Variants in SORL1 observed in about 807,000 individuals in gnomAD.
SORL1 encodes the protein sortilin related receptor 1, also known as sortilin-related receptor.
In SORL1, 127 loss-of-function variants were observed where a neutral mutation model predicts 273.7. That is an observed-to-expected ratio of 0.46 (90% CI 0.40 to 0.54). The LOEUF is 0.54. SORL1 is among the 20% of genes least tolerant of loss of function. SORL1 has a pLI of 0.00. For synonymous variants in SORL1, 1,031 were observed against 1,067.4 expected, an observed-to-expected ratio of 0.97 and a Z score of 0.66; for missense variants, 2,494 against 2,846.1, an observed-to-expected ratio of 0.88 and a Z score of 2.81.
At chr11:121,601,863 A>G (rs1863398091) in intron 32 of SORL1, among the ~76,000 whole-genome samples, 1 of 152,176 alleles carries the variant, frequency 6.6e-6, no homozygotes, top group South Asian at 2.1e-4. Flanking sequence ...TACTTCTGTG[A>G]TGGGGGTTTT....
At chr11:121,601,706 G>A (rs930821777) in intron 32 of SORL1, among the ~76,000 whole-genome samples, 4 of 150,840 alleles carry the variant, frequency 2.7e-5, no homozygotes, top group South Asian at 2.1e-4. Flanking sequence ...GCACACTACC[G>A]CACCCAGCTT....
intron 1 of SORL1, among the ~76,000 whole-genome samples, chr11:121,466,036 A>G (rs1005723981): frequency 6.6e-6 from 1 of 152,060 alleles, no homozygotes; most frequent in East Asian, 1.9e-4. Flanking sequence ...GTTGTTTATG[A>G]TGCAGTTTCT....
chr11:121,551,577 C>A (rs1459193245), intron 16 of SORL1, among the ~76,000 whole-genome samples: 1 of 152,146 alleles, frequency 6.6e-6, no homozygotes, highest in Non-Finnish European at 1.5e-5. Context: ...CTCTTTCCTG[C>A]CCATTACCTC....
intron 21 of SORL1, among the ~76,000 whole-genome samples, chr11:121,566,111 C>G (rs1170746277): frequency 6.6e-6 from 1 of 152,070 alleles, no homozygotes; most frequent in Non-Finnish European, 1.5e-5. Flanking sequence ...CCCTAAGGAG[C>G]AGAAACCCAC....
In SORL1 at chr11:121,513,094, A is replaced by C. The variant is rs1375228342; in HGVS notation, c.1031A>C (p.His344Pro). 2.5e-6 allele frequency: 4 copies of C among 1,610,262 alleles called. No homozygotes were observed. The highest frequency in any genetic ancestry group is 3.4e-6 in the Non-Finnish European group (4 of 1,176,440). The change falls in exon 7 of 48, where the codon CAT becomes CCT. Residue 344 changes from histidine (H) to proline (P), a missense_variant. This residue lies in a region of SORL1 where 710 missense variants were observed against 882.5 expected (regional missense o/e 0.80). Coordinates refer to ENST00000260197, the MANE Select transcript of SORL1 (RefSeq NM_003105.6). ...PMRAAQFVTR[H>P]PINEYYIADA... ...AGAGCAGCCCAGTTTGTCACAAGAC[A>C]TCCTATTAATGTGAGTGGGGTCTGC...
intron 22 of SORL1, among the ~76,000 whole-genome samples, chr11:121,569,820 A>G (rs1357596971): frequency 6.6e-6 from 1 of 152,086 alleles, no homozygotes; most frequent in Non-Finnish European, 1.5e-5. Context: ...CCTTATTCGT[A>G]CACTCCCTCC....
At chr11:121,623,062 T>C (rs548506878) in intron 45 of SORL1, among the ~76,000 whole-genome samples, 1 of 152,372 alleles carries the variant, frequency 6.6e-6, no homozygotes, top group South Asian at 2.1e-4. Context: ...TTCTCATAAC[T>C]CTTGTAACTA....
intron 5 of SORL1, among the ~76,000 whole-genome samples, chr11:121,492,194 C>T (rs113173206): frequency 6.8e-4 from 104 of 152,138 alleles, no homozygotes; most frequent in African/African-American, 2.2e-3. Context: ...AACCCCATCT[C>T]CACTAAAAAC....
rs77297326 is a variant in SORL1 at position 121,600,178 on chromosome 11, G to A, written c.4520-4015G>A. Among the ~76,000 whole-genome samples, 783 of 152,292 alleles carry A rather than the reference G, an allele frequency of 5.1e-3. 4 individuals carry two copies. Among genetic ancestry groups the A allele is most frequent in the African/African-American group, 0.018 (743 of 41,556 alleles). On this transcript the variant is annotated intron_variant, in intron 32 of 47. Transcript: ENST00000260197. ...TATTCATTATTCTCAAGCAAATCAT[G>A]TATTCGTTTCACTTAATTCTCAAAA...
At chr11:121,527,214 A>G (rs1862136696) in intron 11 of SORL1, among the ~76,000 whole-genome samples, 1 of 150,538 alleles carries the variant, frequency 6.6e-6, no homozygotes, top group Non-Finnish European at 1.5e-5. Context: ...TTTTTATCAT[A>G]ATCAGATACT....
At chr11:121,628,573 G>C (rs980136677) in intron 47 of SORL1, among the ~76,000 whole-genome samples, 3 of 152,126 alleles carry the variant, frequency 2.0e-5, no homozygotes, top group Non-Finnish European at 2.9e-5. Context: ...GATGGCCCTC[G>C]GCCCGGGCAT....
chr11:121,560,223 A>G (rs1008588661), intron 21 of SORL1, among the ~76,000 whole-genome samples: 15 of 152,260 alleles, frequency 9.9e-5, no homozygotes, highest in Non-Finnish European at 2.2e-4. Context: ...ACCAGTGTCT[A>G]GCACTTTGTA....
At chr11:121,531,793 C>T (rs1401682567) in intron 11 of SORL1, among the ~76,000 whole-genome samples, 1 of 152,174 alleles carries the variant, frequency 6.6e-6, no homozygotes, top group Non-Finnish European at 1.5e-5. Context: ...TTTTGACACT[C>T]TCTGCTATGG....
rs966792481 is a variant in SORL1 at position 121,452,331 on chromosome 11, C to T, written c.-1C>T. On this transcript the variant is annotated 5_prime_UTR_variant, in exon 1 of 48. Transcript: ENST00000260197. The surrounding 1 kb of genome is among the most constrained non-coding windows in gnomAD (Gnocchi z 5.3). ...CCACCTGCAGTAGCGTTCGCCCGAACATGGCGACACGGAGCAGCAGGAGGG... is the reference window on the plus strand; with the variant it reads ...CCACCTGCAGTAGCGTTCGCCCGAATATGGCGACACGGAGCAGCAGGAGGG... 1.3e-6 allele frequency: 2 copies of T among 1,537,346 alleles called. No homozygotes were observed. Among genetic ancestry groups the T allele is most frequent in the South Asian group, 2.4e-5 (2 of 82,314 alleles).
intron 46 of SORL1, chr11:121,626,725 C>CA (rs1170187356): frequency 6.6e-6 from 1 of 152,154 alleles, no homozygotes; most frequent in Non-Finnish European, 1.5e-5. Context: ...TTTCCTTTGC[C>CA]AAAAACTGAT....
At chr11:121,568,096 A>G (rs1322935575) in intron 22 of SORL1, among the ~76,000 whole-genome samples, 1 of 152,138 alleles carries the variant, frequency 6.6e-6, no homozygotes, top group Non-Finnish European at 1.5e-5. Context: ...TTTGTTGCCC[A>G]GTCTGGTCTT....
intron 1 of SORL1, among the ~76,000 whole-genome samples, chr11:121,468,259 C>T (rs965270116): frequency 7.9e-5 from 12 of 152,222 alleles, no homozygotes; most frequent in South Asian, 4.1e-4. Flanking sequence ...GTGGACTGTG[C>T]GGGCTGGAGT....
rs1328540023 is a variant in SORL1, at chr11:121,532,572, C to G, written c.1685+20C>G. The G allele has an allele frequency of 1.9e-6, 3 of 1,590,638 alleles. No individual in the cohort carries two copies. The highest frequency in any genetic ancestry group is 1.1e-5 in the South Asian group (1 of 90,446). ...GCTAAAGTAAGTGTCTCTGATGAGG[C>G]CTTTTAACATCAAACTTTCTCCCAG... On this transcript the variant is annotated intron_variant, in intron 12 of 47. Transcript: ENST00000260197.
intron 24 of SORL1, among the ~76,000 whole-genome samples, chr11:121,576,115 C>G (rs182217341): frequency 6.6e-6 from 1 of 152,362 alleles, no homozygotes; most frequent in African/African-American, 2.4e-5. Flanking sequence ...GCTCTGTAAA[C>G]TCCATGTGAA....
Sources: gnomAD v4.1 joint callset for allele counts (sites outside exome capture counted in the v4.1 genomes callset) on GRCh38, gnomAD v4.1.1 for gene constraint, gnomAD v4.1.1 regional missense constraint, Gnocchi (gnomAD v3.1) non-coding constraint, MANE v1.5 for transcripts, NCBI Gene and HGNC (gene_info 2026-07-23, HGNC 2026-07-21) for gene names.